ENTPD1: variants seen among roughly 807,000 people sequenced by gnomAD.
The protein encoded by ENTPD1 is ATP diphosphohydrolase.
A neutral mutation model predicts 57.0 loss-of-function variants in ENTPD1; 33 were observed. The ratio of observed to expected loss-of-function variants is 0.58; its 90% CI spans 0.44 to 0.77. The LOEUF (loss-of-function observed/expected upper bound fraction) is 0.77. Ranked by LOEUF, ENTPD1 falls within the 30% of genes least tolerant of loss-of-function variation. The pLI is 0.00. For missense variants in ENTPD1, 501 were observed against 603.4 expected (o/e 0.83, Z 1.78); for synonymous variants, 202 against 218.8 (o/e 0.92, Z 0.68).
rs771530472 is a variant in ENTPD1, at chr10:95,839,772, G to C, written c.226G>C (p.Gly76Arg). The stretch of plus-strand genomic sequence containing the variant: ...GCCAGCAGAAAAGGAGAATGACACA[G>C]GCGTGGTGCATCAAGTAGAAGAATG... Reference protein sequence around the residue: ...KWPAEKENDTGVVHQVEECRV... With the variant: ...KWPAEKENDTRVVHQVEECRV... Residue 76 changes from glycine (G) to arginine (R), a missense_variant, in exon 3 of 10, where the codon GGC becomes CGC. By Grantham distance (125) the Gly-to-Arg change is moderately radical. Coordinates refer to ENST00000371205, the MANE Select transcript of ENTPD1 (RefSeq NM_001776.6). 1.2e-6 allele frequency: 2 copies of C among 1,614,064 alleles called. No homozygotes were observed. The highest frequency in any genetic ancestry group is 1.7e-5 in the Admixed American group (1 of 59,998).
At chr10:95,811,642 G>A (rs1010750529) in intron 1 of ENTPD1, among the ~76,000 whole-genome samples, 4 of 152,136 alleles carry the variant, frequency 2.6e-5, no homozygotes, top group Middle Eastern at 3.4e-3. Context: ...ATTCTGCCTC[G>A]GCCTCCCAAA....
At chr10:95,788,794 T>C (rs1321997257) in intron 1 of ENTPD1, among the ~76,000 whole-genome samples, 1 of 152,210 alleles carries the variant, frequency 6.6e-6, no homozygotes, top group Non-Finnish European at 1.5e-5. Flanking sequence ...TTAATTTTCT[T>C]ATATATTATT....
chr10:95,860,710 C>A, intron 8 of ENTPD1, 128 bp downstream of exon 8: 1 of 753,904 alleles, frequency 1.3e-6, no homozygotes, highest in South Asian at 1.5e-5. Context: ...TAGAGAAGAC[C>A]AGATGGTGGA....
intron 1 of ENTPD1, among the ~76,000 whole-genome samples, chr10:95,769,782 G>T (rs2098107616): frequency 6.6e-6 from 1 of 152,170 alleles, no homozygotes. Context: ...TTGGATTTGG[G>T]ATCTAATAGA....
intron 9 of ENTPD1, 119 bp from the exon 10 acceptor site, chr10:95,866,058 C>A: frequency 7.2e-7 from 1 of 1,385,608 alleles, no homozygotes; most frequent in South Asian, 1.2e-5. Flanking sequence ...AGCCACTGTG[C>A]CCAGCCAGTG....
At chr10:95,745,169 A>T (rs550845190) in intron 1 of ENTPD1, among the ~76,000 whole-genome samples, 2 of 152,096 alleles carry the variant, frequency 1.3e-5, no homozygotes, top group Non-Finnish European at 2.9e-5. Context: ...CAGCAATAAC[A>T]TCTTACTTTT....
intron 1 of ENTPD1, among the ~76,000 whole-genome samples, chr10:95,817,886 G>A (rs916780666): frequency 6.6e-6 from 1 of 152,164 alleles, no homozygotes; most frequent in African/African-American, 2.4e-5. Flanking sequence ...CTGTAGCTCA[G>A]AGCCTAGGGC....
At chr10:95,847,155 A>T (rs1156755662) in intron 6 of ENTPD1, among the ~76,000 whole-genome samples, 1 of 152,218 alleles carries the variant, frequency 6.6e-6, no homozygotes, top group Non-Finnish European at 1.5e-5. Context: ...GATGATTAGG[A>T]CTAAGCACTC....
chr10:95,725,287 T>C (rs1459677675), intron 1 of ENTPD1, among the ~76,000 whole-genome samples: 4 of 152,332 alleles, frequency 2.6e-5, no homozygotes, highest in Non-Finnish European at 5.9e-5. Context: ...AACATCATAA[T>C]AACTTCTTGA....
At chr10:95,806,768 G>A (rs1038704271) in intron 1 of ENTPD1, among the ~76,000 whole-genome samples, 11 of 152,112 alleles carry the variant, frequency 7.2e-5, no homozygotes, top group Non-Finnish European at 8.8e-5. Context: ...GTCTGTTGGA[G>A]TTTGCTGGAG....
At chr10:95,742,578 T>G (rs4918965) in intron 1 of ENTPD1, among the ~76,000 whole-genome samples, 1 of 148,254 alleles carries the variant, frequency 6.7e-6, no homozygotes, top group Admixed American at 6.7e-5. Context: ...TATTGTGTGT[T>G]GTGGATGGAA....
At chr10:95,707,548 C>A (rs184489729), upstream of ENTPD1, among the ~76,000 whole-genome samples, 375 of 152,306 alleles carry the variant, frequency 2.5e-3, no homozygotes, top group Non-Finnish European at 4.4e-3. Flanking sequence ...TGGTGGTAAT[C>A]ATGTCTTCAA....
chr10:95,806,855 T>C (rs1272680352), intron 1 of ENTPD1, among the ~76,000 whole-genome samples: 2 of 152,204 alleles, frequency 1.3e-5, no homozygotes, highest in Admixed American at 6.5e-5. Context: ...ACAGCAAATA[T>C]TGCTGCCTGA....
chr10:95,720,484 C>G (rs923138888), intron 1 of ENTPD1, among the ~76,000 whole-genome samples: 1 of 152,090 alleles, frequency 6.6e-6, no homozygotes, highest in African/African-American at 2.4e-5. Flanking sequence ...GTCCTAGGAC[C>G]CCTCGGATAG....
At chr10:95,723,652 G>A (rs1566089773) in intron 1 of ENTPD1, among the ~76,000 whole-genome samples, 1 of 152,178 alleles carries the variant, frequency 6.6e-6, no homozygotes, top group Non-Finnish European at 1.5e-5. Flanking sequence ...GGACCCAGGA[G>A]GTATGGGTCA....
At chr10:95,778,481 A>ACAGT (rs10631606) in intron 1 of ENTPD1, among the ~76,000 whole-genome samples, 1 of 151,112 alleles carries the variant, frequency 6.6e-6, no homozygotes, top group Admixed American at 6.6e-5. Flanking sequence ...TACCTAAAAG[A>ACAGT]TTTTTTTCTT....
At chr10:95,738,697 G>A (rs11188463) in intron 1 of ENTPD1, among the ~76,000 whole-genome samples, 15 of 152,144 alleles carry the variant, frequency 9.9e-5, no homozygotes, top group Non-Finnish European at 2.2e-4. Context: ...CTTGCCAGAA[G>A]GGTAAGATGA....
intron 1 of ENTPD1, among the ~76,000 whole-genome samples, chr10:95,792,986 G>T (rs1009831895): frequency 6.6e-6 from 1 of 152,154 alleles, no homozygotes; most frequent in Non-Finnish European, 1.5e-5. Context: ...CAGGGTGCTG[G>T]TCTTGGGCTT....
intron 1 of ENTPD1, among the ~76,000 whole-genome samples, chr10:95,739,060 T>A (rs1225598648): frequency 6.6e-6 from 1 of 152,234 alleles, no homozygotes; most frequent in Non-Finnish European, 1.5e-5. Flanking sequence ...ATAGCATTAT[T>A]TGCAAAAGTA....
Sources: gnomAD v4.1 joint callset for allele counts (sites outside exome capture counted in the v4.1 genomes callset) on GRCh38, gnomAD v4.1.1 for gene constraint, MANE v1.5 for transcripts, NCBI Gene and HGNC (gene_info 2026-07-23, HGNC 2026-07-21) for gene names.